The following CAP1 variants were observed in gnomAD, a reference collection of about 807,000 sequenced individuals.
CAP1 encodes the protein cyclase associated actin cytoskeleton regulatory protein 1, also known as adenylyl cyclase-associated protein 1.
In CAP1, 11 loss-of-function variants were observed where a neutral mutation model predicts 58.2. That is an observed-to-expected ratio of 0.19 (90% confidence interval 0.12 to 0.31). The LOEUF is 0.31. CAP1 is among the 10% of genes least tolerant of loss of function. CAP1 has a pLI of 1.00. For synonymous variants in CAP1, 183 were observed against 213.8 expected (o/e 0.86, Z 1.26); for missense variants, 423 against 587.5 (o/e 0.72, Z 2.89).
chr1:40,046,123 G>T (rs1443235293), intron 1 of CAP1, among the ~76,000 whole-genome samples: 1 of 152,170 alleles, frequency 6.6e-6, no homozygotes, highest in Non-Finnish European at 1.5e-5. Flanking sequence ...TGTATTTAGA[G>T]TGCTTGGTTT....
intron 1 of CAP1, among the ~76,000 whole-genome samples, chr1:40,041,826 CA>C (rs1557667879): frequency 6.6e-6 from 1 of 152,092 alleles, no homozygotes. Context: ...AAGTATGTAA[CA>C]GGGGGTTCAG....
intron 12 of CAP1, among the ~76,000 whole-genome samples, 188 bp from the exon 13 acceptor site, chr1:40,071,262 T>C (rs1170372661): frequency 6.6e-6 from 1 of 152,092 alleles, no homozygotes; most frequent in Admixed American, 6.5e-5. Context: ...TTACACCCCA[T>C]AGACTTAATA....
rs1360294267 is a variant in CAP1, at chr1:40,072,282, T to G, written c.*749T>G. 5.2e-6 allele frequency: 2 copies of G among 385,186 alleles called. No homozygotes were observed. Among genetic ancestry groups the G allele is most frequent in the Non-Finnish European group, 9.2e-6 (2 of 218,532 alleles). The allele number at this position is 385,186 out of a possible 1,614,324, so 23.9% of individuals were successfully genotyped here. A position where few individuals can be genotyped will look rare whatever the true frequency, so the allele number is the denominator to read the frequency against. On this transcript the variant is annotated 3_prime_UTR_variant, in exon 13 of 13. Coordinates refer to ENST00000372805, the MANE Select transcript of CAP1 (RefSeq NM_006367.4). The stretch of plus-strand genomic sequence containing the variant: ...AAAAAAAAAAAAAAACCCACATGAT[T>G]TCAAGGAGTCTGGCATTCCTGAATC...
intron 4 of CAP1, 48 bp downstream of exon 4, chr1:40,061,860 A>G: frequency 7.5e-7 from 1 of 1,325,118 alleles, no homozygotes; most frequent in South Asian, 1.2e-5. Context: ...GCTCAGGACG[A>G]GTTGAGAGAT....
At position 40,071,915 on chromosome 1, in the gene CAP1, C is replaced by CT. The variant is rs915042971; in HGVS notation, c.*389dup. ...GATCAGAATGTTCACACTGGTTAATCTTTTTTTAACAATGAGCATGAAGGT... is the reference window on the plus strand; with the variant it reads ...GATCAGAATGTTCACACTGGTTAATCTTTTTTTTAACAATGAGCATGAAGGT... On this transcript the variant is annotated 3_prime_UTR_variant, in exon 13 of 13. Transcript: ENST00000372805. 9 of 412,566 alleles carry CT rather than the reference C, an allele frequency of 2.2e-5. No homozygotes were observed. Among genetic ancestry groups the CT allele is most frequent in the African/African-American group, 8.2e-5 (4 of 48,884 alleles). The allele number at this position is 412,566 out of a possible 1,614,324, so 25.6% of individuals were successfully genotyped here. A position where few individuals can be genotyped will look rare whatever the true frequency, so the allele number is the denominator to read the frequency against.
At chr1:40,069,901 C>T (rs757940618) in intron 9 of CAP1, 27 bp downstream of exon 9, 19 of 1,513,494 alleles carry the variant, frequency 1.3e-5, no homozygotes. Flanking sequence ...TAGACAGGGG[C>T]AGGTATTTTT....
intron 4 of CAP1, 116 bp downstream of exon 4, chr1:40,061,928 G>A: frequency 1.3e-6 from 1 of 789,362 alleles, no homozygotes; most frequent in East Asian, 2.6e-5. Context: ...GATAATATAT[G>A]TTCATACCAA....
Position 40,071,561 on chromosome 1 carries a change from CCCTT to C in CAP1, c.*30_*33del. 7.3e-7 allele frequency: 1 copy of C among 1,371,956 alleles called. No homozygotes were observed. The highest frequency in any genetic ancestry group is 1.0e-6 in the Non-Finnish European group (1 of 960,772). 85.0% of individuals were successfully genotyped at this position (1,371,956 alleles called of 1,614,324 possible). A position where few individuals can be genotyped will look rare whatever the true frequency, so the allele number is the denominator to read the frequency against. On this transcript the variant is annotated 3_prime_UTR_variant, in exon 13 of 13. Transcript: ENST00000372805. ...GAAGTGCCACTGGGTTCTTTGCCCT[CCCTT>C]CACACCATGGGATAAATCTGTATCA...
intron 1 of CAP1, among the ~76,000 whole-genome samples, chr1:40,057,105 T>C (rs1646651130): frequency 6.6e-6 from 1 of 152,306 alleles, no homozygotes; most frequent in Admixed American, 6.5e-5. Context: ...TTATTAAGCA[T>C]TTAAGATTGG....
At position 40,064,313 on chromosome 1, in the gene CAP1, G is replaced by A; in HGVS notation, c.381G>A (p.Leu127=). 6.2e-7 allele frequency: 1 copy of A among 1,614,238 alleles called. No individual in the cohort carries two copies. The highest frequency in any genetic ancestry group is 1.3e-5 in the African/African-American group (1 of 75,066). The change falls in exon 5 of 13, where the codon TTG becomes TTA. Residue 127 remains leucine (L), a synonymous_variant. Transcript: ENST00000372805. ...TFREKNRGSK[L]FNHLSAVSES... ...GGGAGAAGAACCGAGGCAGCAAGTTGTTTAATCACCTGTCAGCTGTCAGCG... is the reference window on the plus strand; with the variant it reads ...GGGAGAAGAACCGAGGCAGCAAGTTATTTAATCACCTGTCAGCTGTCAGCG...
chr1:40,043,940 G>A (rs1395936144), intron 1 of CAP1, among the ~76,000 whole-genome samples: 1 of 152,102 alleles, frequency 6.6e-6, no homozygotes, highest in Non-Finnish European at 1.5e-5. Context: ...AATTGGGTAG[G>A]CATAATTGAT....
Position 40,064,555 on chromosome 1 carries a change from G to A in CAP1, c.520G>A (p.Asp174Asn), listed in dbSNP as rs1229310063. The change falls in exon 6 of 13, where the codon GAT becomes AAT. Residue 174 changes from aspartate to asparagine, a missense_variant. Coordinates refer to ENST00000372805, the MANE Select transcript of CAP1 (RefSeq NM_006367.4). Reference sequence around the variant, plus strand: ...AAACCGAGTCCTCAAAGAGTACAAAGATGTGTAAGTTCAGCCTTTTCTCTC... The same window carrying A: ...AAACCGAGTCCTCAAAGAGTACAAAAATGTGTAAGTTCAGCCTTTTCTCTC... ...YTNRVLKEYKDVDKKHVDWVK... is the reference protein window; with the variant it reads ...YTNRVLKEYKNVDKKHVDWVK... 6.2e-7 allele frequency: 1 copy of A among 1,610,730 alleles called. No homozygotes were observed. Among genetic ancestry groups the A allele is most frequent in the African/African-American group, 1.3e-5 (1 of 74,814 alleles).
intron 8 of CAP1, among the ~76,000 whole-genome samples, chr1:40,069,313 G>T (rs1190379803): frequency 6.6e-6 from 1 of 151,756 alleles, no homozygotes; most frequent in Non-Finnish European, 1.5e-5. Flanking sequence ...GGTTAGCTGT[G>T]GGGAGTGAGG....
Position 40,070,162 on chromosome 1 carries a change from A to T in CAP1, c.997A>T (p.Asn333Tyr). The change falls in exon 10 of 13, where the codon AAT becomes TAT. Residue 333 changes from asparagine (N) to tyrosine (Y), a missense_variant. Coordinates refer to ENST00000372805, the MANE Select transcript of CAP1 (RefSeq NM_006367.4). The stretch of plus-strand genomic sequence containing the variant: ...TCCTGGGATCTCTCTCTAACAGGAA[A>T]ATCAGGAAAATGTTTCCAACCTGGT... The part of the protein sequence containing the change: ...ELEGKKWRVE[N>Y]QENVSNLVIE... The T allele has an allele frequency of 1.2e-6, 2 of 1,614,162 alleles. No homozygotes were observed. The highest frequency in any genetic ancestry group is 1.7e-6 in the Non-Finnish European group (2 of 1,180,032).
At chr1:40,045,895 C>G (rs1570338854) in intron 1 of CAP1, among the ~76,000 whole-genome samples, 1 of 152,096 alleles carries the variant, frequency 6.6e-6, no homozygotes, top group Middle Eastern at 3.4e-3. Flanking sequence ...GCTATGTTGC[C>G]TGGGCTGGTC....
At chr1:40,047,755 A>G (rs1322589203) in intron 1 of CAP1, among the ~76,000 whole-genome samples, 1 of 152,212 alleles carries the variant, frequency 6.6e-6, no homozygotes, top group Admixed American at 6.5e-5. Context: ...GACCACACAA[A>G]GTTACCTGTT....
intron 4 of CAP1, among the ~76,000 whole-genome samples, chr1:40,062,485 C>T (rs1570403826): frequency 1.3e-5 from 2 of 152,160 alleles, no homozygotes; most frequent in African/African-American, 4.8e-5. Flanking sequence ...TGTGCTGGCT[C>T]ATTCCTGTAA....
At position 40,069,837 on chromosome 1, in the gene CAP1, C is replaced by A. The variant is rs1162734672; in HGVS notation, c.956C>A (p.Pro319Gln). 6.3e-7 allele frequency: 1 copy of A among 1,597,992 alleles called. No individual in the cohort carries two copies. The highest frequency in any genetic ancestry group is 1.8e-5 in the Admixed American group (1 of 56,046). Residue 319 changes from proline to glutamine, a missense_variant, in exon 9 of 13, where the codon CCA (proline) becomes CAA (glutamine). Coordinates refer to ENST00000372805, the MANE Select transcript of CAP1 (RefSeq NM_006367.4). The stretch of plus-strand genomic sequence containing the variant: ...CCCAAACGAGCCACAAAGAAGGAGC[C>A]AGCTGTACTTGAACTGGAGGGCAAG... Reference protein sequence around the residue: ...PSPKRATKKEPAVLELEGKKW... With the variant: ...PSPKRATKKEQAVLELEGKKW...
Position 40,064,213 on chromosome 1 carries a change from G to C in CAP1, c.295-14G>C. 1 of 1,613,372 alleles carries C rather than the reference G, an allele frequency of 6.2e-7. No homozygotes were observed. The highest frequency in any genetic ancestry group is 8.5e-7 in the Non-Finnish European group (1 of 1,179,528). On this transcript the variant is annotated splice_polypyrimidine_tract_variant and intron_variant, in intron 4 of 12. Coordinates refer to ENST00000372805, the MANE Select transcript of CAP1 (RefSeq NM_006367.4). ...AAGATGTTAACCTGAATCTTTTCTT[G>C]TATCTTTTCCTAGAATAAGCTTTCC...
Sources: allele counts gnomAD v4.1 joint callset (sites outside exome capture counted in the v4.1 genomes callset), GRCh38; gene constraint gnomAD v4.1.1; transcripts MANE v1.5; gene names NCBI Gene and HGNC (gene_info 2026-07-23, HGNC 2026-07-21).